The following SYTL2 variants were observed in gnomAD, a reference collection of about 807,000 sequenced individuals.
SYTL2 encodes the protein synaptotagmin-like protein 2.
In SYTL2, 165 loss-of-function variants were observed where a neutral mutation model predicts 198.7. The ratio of observed to expected loss-of-function variants is 0.83; its 90% confidence interval spans 0.73 to 0.94. The LOEUF (loss-of-function observed/expected upper bound fraction) is 0.94. Ranked by LOEUF, SYTL2 falls within the 40% of genes least tolerant of loss-of-function variation. The pLI is 0.00. For missense variants in SYTL2, 2,835 were observed against 2,582.8 expected (o/e 1.10, Z -2.12); for synonymous variants, 966 against 917.7 (o/e 1.05, Z -0.95).
chr11:85,704,161 A>G (rs1335246306), intron 16 of SYTL2, among the ~76,000 whole-genome samples: 1 of 152,084 alleles, frequency 6.6e-6, no homozygotes, highest in African/African-American at 2.4e-5. Context: ...ATATATCTGA[A>G]CTATAAGAAT....
In SYTL2 at chr11:85,727,809, C is replaced by T. The variant is rs2089380041; in HGVS notation, c.1549G>A (p.Asp517Asn). Residue 517 changes from aspartate (D) to asparagine (N), a missense_variant, in exon 8 of 20, where the codon GAT becomes AAT. Physicochemically the swap from Asp to Asn is conservative, Grantham distance 23. This residue lies in a region of SYTL2 where 2,645 missense variants were observed against 2,381.7 expected (regional missense o/e 1.11). Coordinates refer to ENST00000359152, the MANE Select transcript of SYTL2 (RefSeq NM_206927.4). ...YATEIKKSTD[D>N]SIFKVLDWFN... ...CAGTCTAGAACTTTAAATATGGAATCATCAGTTGACTTCTTTATCTCAGTG... is the reference window on the plus strand; with the variant it reads ...CAGTCTAGAACTTTAAATATGGAATTATCAGTTGACTTCTTTATCTCAGTG... 6.2e-7 allele frequency: 1 copy of T among 1,606,054 alleles called. No homozygotes were observed.
chr11:85,832,885 A>G, the SYTL2 span, among the ~76,000 whole-genome samples: 1 of 151,192 alleles, frequency 6.6e-6, no homozygotes, highest in Non-Finnish European at 1.5e-5. Flanking sequence ...AGTCCCAGCT[A>G]CTTGAGAGGC....
At chr11:85,820,785 T>C in the SYTL2 span, among the ~76,000 whole-genome samples, 1 of 152,356 alleles carries the variant, frequency 6.6e-6, no homozygotes, top group East Asian at 1.9e-4. Flanking sequence ...ATTTGAGAGA[T>C]GTATACATAC....
At chr11:85,800,275 C>T (rs115249096) in intron 1 of SYTL2, among the ~76,000 whole-genome samples, 183 of 152,158 alleles carry the variant, frequency 1.2e-3, no homozygotes, top group Middle Eastern at 0.01. Context: ...TTCCAAAACC[C>T]CAATGTAGGA....
Position 85,720,911 on chromosome 11 carries a change from G to T in SYTL2, c.5375C>A (p.Ala1792Asp), listed in dbSNP as rs74547795. 9.3e-3 allele frequency: 14,973 copies of T among 1,613,282 alleles called. 127 individuals carry two copies. Among genetic ancestry groups the T allele is most frequent in the Non-Finnish European group, 0.011 (12,543 of 1,179,520 alleles). ...SPVLKTLERS[A>D]ARKMPSKSLE... ...ACTTTTGGAAGGCATTTTCCTAGCG[G>T]CACTCCTTTCCAAAGTTTTCAAAAC... The change falls in exon 9 of 20, where the codon GCC becomes GAC. Residue 1792 changes from alanine (A) to aspartate (D), a missense_variant. Coordinates refer to ENST00000359152, the MANE Select transcript of SYTL2 (RefSeq NM_206927.4).
intron 1 of SYTL2, among the ~76,000 whole-genome samples, chr11:85,789,761 G>A (rs2092703516): frequency 6.6e-6 from 1 of 151,992 alleles, no homozygotes. Flanking sequence ...GTAAACCCAG[G>A]ATCAACAGAT....
chr11:85,738,881 C>T (rs570394), intron 4 of SYTL2, among the ~76,000 whole-genome samples: 65,430 of 151,856 alleles, frequency 0.43, 14,475 homozygotes, highest in East Asian at 0.58. Flanking sequence ...TCACCAAGCC[C>T]AAAGGATAAG....
At chr11:85,806,951 G>A (rs532410172) in intron 1 of SYTL2, among the ~76,000 whole-genome samples, 1 of 152,354 alleles carries the variant, frequency 6.6e-6, no homozygotes, top group African/African-American at 2.4e-5. Context: ...CCCAGTGCAG[G>A]GCCCATTGTT....
intron 1 of SYTL2, among the ~76,000 whole-genome samples, chr11:85,774,308 G>A (rs12293482): frequency 0.053 from 8,109 of 152,176 alleles, 316 homozygotes; most frequent in Middle Eastern, 0.11. Flanking sequence ...ACCATCACCC[G>A]CATTTTATCA....
intron 16 of SYTL2, among the ~76,000 whole-genome samples, chr11:85,702,510 T>C (rs2084488427): frequency 6.6e-6 from 1 of 152,170 alleles, no homozygotes; most frequent in African/African-American, 2.4e-5. Context: ...TAATAAGTCC[T>C]TCAGGTGAAT....
Position 85,714,409 on chromosome 11 carries a change from T to G in SYTL2, c.5625+4A>C. 2 of 1,609,700 alleles carry G rather than the reference T, an allele frequency of 1.2e-6. No homozygotes were observed. Among genetic ancestry groups the G allele is most frequent in the South Asian group, 2.2e-5 (2 of 90,974 alleles). On this transcript the variant is annotated splice_donor_region_variant and intron_variant, in intron 12 of 19. Transcript: ENST00000359152. ...TTTTCTGAAGGTACAAAAGACAAAC[T>G]TGCCTCATCTTGGAGAAATGCTGGA...
At chr11:85,846,757 G>A in the SYTL2 span, among the ~76,000 whole-genome samples, 1 of 133,574 alleles carries the variant, frequency 7.5e-6, no homozygotes. Context: ...TTTTTGAGAT[G>A]GAGTCTCGCT....
chr11:85,756,609 C>T (rs2091881840), intron 2 of SYTL2, among the ~76,000 whole-genome samples: 1 of 152,214 alleles, frequency 6.6e-6, no homozygotes, highest in Admixed American at 6.5e-5. Flanking sequence ...CACCCACCAA[C>T]CGCAAAAGAG....
At chr11:85,713,605 T>A (rs2086678813) in intron 12 of SYTL2, among the ~76,000 whole-genome samples, 4 of 152,176 alleles carry the variant, frequency 2.6e-5, no homozygotes, top group African/African-American at 9.7e-5. Flanking sequence ...CTAGATCTAC[T>A]CTTCAGTAGC....
the SYTL2 span, among the ~76,000 whole-genome samples, chr11:85,816,279 A>T: frequency 6.6e-6 from 1 of 152,218 alleles, no homozygotes; most frequent in African/African-American, 2.4e-5. Flanking sequence ...AGTGTCTTTC[A>T]TCTGTGACTG....
At chr11:85,793,925 C>A (rs1268266246) in intron 1 of SYTL2, among the ~76,000 whole-genome samples, 1 of 152,010 alleles carries the variant, frequency 6.6e-6, no homozygotes, top group Admixed American at 6.6e-5. Flanking sequence ...AAAAATAAGT[C>A]AAAAAAAGAA....
intron 1 of SYTL2, among the ~76,000 whole-genome samples, chr11:85,789,342 A>ATATATATATATATATATATG (rs2092688886): frequency 4.7e-5 from 1 of 21,372 alleles, no homozygotes; most frequent in Non-Finnish European, 1.1e-4. Flanking sequence ...GTGTGTGTGT[A>ATATATATATATATATATATG]TATATATATA....
chr11:85,784,302 T>C (rs750347783), intron 1 of SYTL2, among the ~76,000 whole-genome samples: 2 of 152,164 alleles, frequency 1.3e-5, no homozygotes, highest in Admixed American at 1.3e-4. Flanking sequence ...TTCTAGGCTA[T>C]GAACCACTAA....
At chr11:85,697,928 G>T in intron 18 of SYTL2, 51 bp downstream of exon 18, 1 of 1,239,882 alleles carries the variant, frequency 8.1e-7, no homozygotes, top group Non-Finnish European at 1.2e-6. Context: ...AAACTAACCA[G>T]CAAAGACCAG....
Sources: gnomAD v4.1 joint callset for allele counts (sites outside exome capture counted in the v4.1 genomes callset) on GRCh38, gnomAD v4.1.1 for gene constraint, gnomAD v4.1.1 regional missense constraint, MANE v1.5 for transcripts, NCBI Gene and HGNC (gene_info 2026-07-23, HGNC 2026-07-21) for gene names.